HPSE2: variants seen among roughly 807,000 people sequenced by gnomAD.
HPSE2 encodes the protein heparanase 2 (inactive).
A neutral mutation model predicts 60.5 loss-of-function variants in HPSE2; 38 were observed. The observed-to-expected ratio is 0.63, with a 90% CI of 0.48 to 0.82. The LOEUF (loss-of-function observed/expected upper bound fraction) is 0.82. HPSE2 is among the 40% of genes least tolerant of loss of function. The probability of loss-of-function intolerance (pLI) is 0.00; values close to 1 mark genes in which losing one functional copy is unlikely to be tolerated. For missense variants in HPSE2, 713 were observed against 740.4 expected, an observed-to-expected ratio of 0.96 and a Z score of 0.43; for synonymous variants, 295 against 293.2, an observed-to-expected ratio of 1.01 and a Z score of -0.06.
At chr10:99,035,452 A>G (rs1367267286) in intron 3 of HPSE2, among the ~76,000 whole-genome samples, 1 of 152,190 alleles carries the variant, frequency 6.6e-6, no homozygotes, top group African/African-American at 2.4e-5. Flanking sequence ...CTTCTTCTGG[A>G]ATACCTTCTG....
intron 7 of HPSE2, among the ~76,000 whole-genome samples, chr10:98,621,626 C>G (rs1057047561): frequency 1.1e-4 from 16 of 152,350 alleles, no homozygotes; most frequent in Admixed American, 8.5e-4. Context: ...CTGGCAAAAA[C>G]TCAGTCTCAC....
intron 6 of HPSE2, among the ~76,000 whole-genome samples, chr10:98,642,911 T>C (rs1391776073): frequency 1.3e-5 from 2 of 152,240 alleles, no homozygotes; most frequent in African/African-American, 2.4e-5. Context: ...CAGCCACCCA[T>C]CACTACATAT....
At chr10:98,955,927 AG>A (rs1184063065) in intron 3 of HPSE2, among the ~76,000 whole-genome samples, 1 of 152,078 alleles carries the variant, frequency 6.6e-6, no homozygotes, top group Non-Finnish European at 1.5e-5. Flanking sequence ...GGACACAGGG[AG>A]GGGAACAACA....
At chr10:99,235,253 A>G (rs1418089350) in intron 1 of HPSE2, among the ~76,000 whole-genome samples, 1 of 152,066 alleles carries the variant, frequency 6.6e-6, no homozygotes, top group Non-Finnish European at 1.5e-5. Context: ...TAAGCACAAC[A>G]TTTTTTCAGT....
chr10:98,606,518 G>C (rs2133956074), intron 9 of HPSE2, among the ~76,000 whole-genome samples: 1 of 152,326 alleles, frequency 6.6e-6, no homozygotes, highest in South Asian at 2.1e-4. Context: ...AGGCTATAAG[G>C]ATTGTGACAA....
chr10:98,745,085 C>G (rs1236026327), intron 3 of HPSE2, among the ~76,000 whole-genome samples: 1 of 152,096 alleles, frequency 6.6e-6, no homozygotes, highest in Non-Finnish European at 1.5e-5. Context: ...GCCTGTAGTC[C>G]CAGCTACTCA....
chr10:98,986,295 T>G (rs1302596079), intron 3 of HPSE2, among the ~76,000 whole-genome samples: 1 of 151,990 alleles, frequency 6.6e-6, no homozygotes, highest in Non-Finnish European at 1.5e-5. Context: ...AAACTCTCTC[T>G]CAGACCACAG....
intron 3 of HPSE2, among the ~76,000 whole-genome samples, chr10:98,987,355 T>C (rs1210003200): frequency 5.3e-5 from 8 of 152,130 alleles, no homozygotes; most frequent in Non-Finnish European, 1.0e-4. Context: ...AGCAAATCAA[T>C]AAACGTAATC....
the HPSE2 span, among the ~76,000 whole-genome samples, chr10:99,259,308 CA>C: frequency 0.32 from 43,479 of 133,962 alleles, 8,864 homozygotes; most frequent in African/African-American, 0.63. Flanking sequence ...CCCCCCCCAC[CA>C]AAAAAAAAAA....
intron 9 of HPSE2, among the ~76,000 whole-genome samples, chr10:98,491,085 C>T (rs1941626698): frequency 6.6e-6 from 1 of 152,164 alleles, no homozygotes; most frequent in Admixed American, 6.5e-5. Context: ...TTTAGGACCC[C>T]CTACCCCACT....
chr10:98,577,215 T>C (rs1564982738), intron 9 of HPSE2, among the ~76,000 whole-genome samples: 1 of 152,006 alleles, frequency 6.6e-6, no homozygotes, highest in African/African-American at 2.4e-5. Context: ...ATTTATTCTA[T>C]TGTCTTTATC....
At chr10:98,974,673 C>G (rs763106802) in intron 3 of HPSE2, among the ~76,000 whole-genome samples, 8 of 152,154 alleles carry the variant, frequency 5.3e-5, no homozygotes, top group Non-Finnish European at 1.2e-4. Context: ...GAAAATTCTA[C>G]TTGTATGTTA....
At chr10:98,558,964 G>A (rs1393278275) in intron 9 of HPSE2, among the ~76,000 whole-genome samples, 1 of 152,144 alleles carries the variant, frequency 6.6e-6, no homozygotes, top group Non-Finnish European at 1.5e-5. Flanking sequence ...GCTCATTCAT[G>A]TTCCCTGTCT....
chr10:98,873,227 T>C (rs1952781838), intron 3 of HPSE2, among the ~76,000 whole-genome samples: 1 of 152,098 alleles, frequency 6.6e-6, no homozygotes, highest in African/African-American at 2.4e-5. Context: ...TTTTAATTTG[T>C]ATTTGTTTAT....
chr10:98,778,778 G>T (rs1950403430), intron 3 of HPSE2, among the ~76,000 whole-genome samples: 3 of 152,130 alleles, frequency 2.0e-5, no homozygotes, highest in African/African-American at 7.2e-5. Flanking sequence ...TAAATCAGAT[G>T]ATCTCCAATG....
intron 3 of HPSE2, among the ~76,000 whole-genome samples, chr10:99,003,537 T>C (rs976444128): frequency 2.0e-5 from 3 of 152,142 alleles, no homozygotes; most frequent in Non-Finnish European, 4.4e-5. Flanking sequence ...GCAATTCTAA[T>C]AGGTGTGAGG....
At chr10:98,892,988 T>G (rs1953378795) in intron 3 of HPSE2, among the ~76,000 whole-genome samples, 1 of 152,196 alleles carries the variant, frequency 6.6e-6, no homozygotes, top group East Asian at 1.9e-4. Flanking sequence ...TTATCTCATT[T>G]AATTCTTGTA....
rs574176027 is a variant in HPSE2 at position 99,067,063 on chromosome 10, A to G, written c.610+77175T>C. Reference sequence around the variant, plus strand: ...AGACCCTATGCAAATCCAAAATCCAATGGGGCAGTCAAATATTAAAGCTCC... The same window carrying G: ...AGACCCTATGCAAATCCAAAATCCAGTGGGGCAGTCAAATATTAAAGCTCC... On this transcript the variant is annotated intron_variant, in intron 3 of 11. Coordinates refer to ENST00000370552, the MANE Select transcript of HPSE2 (RefSeq NM_021828.5). Among the ~76,000 whole-genome samples the G allele has an allele frequency of 3.3e-5, 5 of 152,242 alleles. No homozygotes were observed. The South Asian group carries it at 1.0e-3, about 32-fold the overall frequency.
intron 3 of HPSE2, among the ~76,000 whole-genome samples, chr10:98,923,981 G>A (rs1225463306): frequency 6.6e-6 from 1 of 152,104 alleles, no homozygotes; most frequent in Non-Finnish European, 1.5e-5. Flanking sequence ...TTTGGCATCT[G>A]GGCATTAAAG....
Sources: allele counts gnomAD v4.1 joint callset (sites outside exome capture counted in the v4.1 genomes callset), GRCh38; gene constraint gnomAD v4.1.1; transcripts MANE v1.5; gene names NCBI Gene and HGNC (gene_info 2026-07-23, HGNC 2026-07-21).